Variants in SMYD3 observed in about 807,000 individuals in gnomAD.
SMYD3 encodes the protein SET and MYND domain containing 3.
A neutral mutation model predicts 57.7 loss-of-function variants in SMYD3; 36 were observed. The ratio of observed to expected loss-of-function variants is 0.62; its 90% CI spans 0.48 to 0.82. The LOEUF (loss-of-function observed/expected upper bound fraction) is 0.82, where lower values mean the gene tolerates loss of function less well. Among genes scored for constraint, SMYD3 ranks in the 40% least tolerant of loss-of-function variants. SMYD3 has a pLI of 0.00. For missense variants in SMYD3, 515 were observed against 538.8 expected, an observed-to-expected ratio of 0.96 and a Z score of 0.44; for synonymous variants, 211 against 195.0, an observed-to-expected ratio of 1.08 and a Z score of -0.68.
At position 246,488,842 on chromosome 1, in the gene SMYD3, C is replaced by G. The variant is rs375705894; in HGVS notation, c.164+18212G>C. On this transcript the variant is annotated intron_variant, in intron 1 of 11. Transcript: ENST00000490107. ...CAGAAGACAGATTGCAAAAGGAATG[C>G]GTCTCCATCCTGTAGGTAAACAGGT... 2.6e-5 allele frequency among the ~76,000 whole-genome samples: 4 copies of G among 152,296 alleles called. No individual in the cohort carries two copies. The East Asian group carries it at 7.7e-4, about 29-fold the overall frequency.
At chr1:246,077,145 G>C (rs2060563160) in intron 5 of SMYD3, among the ~76,000 whole-genome samples, 1 of 152,186 alleles carries the variant, frequency 6.6e-6, no homozygotes, top group Admixed American at 6.5e-5. Context: ...GAAGCTGTGA[G>C]AGAAAACATG....
At chr1:246,214,748 C>T (rs2063138835) in intron 5 of SMYD3, among the ~76,000 whole-genome samples, 1 of 151,976 alleles carries the variant, frequency 6.6e-6, no homozygotes, top group Admixed American at 6.5e-5. Flanking sequence ...TATTTAGGAA[C>T]AGTCCTAAAA....
At chr1:245,838,944 T>C (rs902346462) in intron 10 of SMYD3, among the ~76,000 whole-genome samples, 1 of 152,198 alleles carries the variant, frequency 6.6e-6, no homozygotes, top group Non-Finnish European at 1.5e-5. Flanking sequence ...CAGAATGTCC[T>C]CTGAATCCTG....
At chr1:246,470,607 C>T (rs1479798511) in intron 1 of SMYD3, among the ~76,000 whole-genome samples, 4 of 149,422 alleles carry the variant, frequency 2.7e-5, no homozygotes, top group Non-Finnish European at 5.9e-5. Context: ...TGTATATATA[C>T]ACACACTATA....
intron 10 of SMYD3, among the ~76,000 whole-genome samples, chr1:245,834,617 T>C (rs6689627): frequency 0.87 from 132,436 of 152,182 alleles, 58,380 homozygotes; most frequent in Non-Finnish European, 0.95. Flanking sequence ...AAGCAAATTA[T>C]AATAGACATC....
At chr1:246,390,879 T>TA (rs1406178784) in intron 1 of SMYD3, among the ~76,000 whole-genome samples, 5 of 152,082 alleles carry the variant, frequency 3.3e-5, no homozygotes, top group Admixed American at 6.6e-5. Flanking sequence ...AGATGACTTT[T>TA]AAAAAAATCA....
chr1:245,917,730 C>T (rs915601950), intron 7 of SMYD3, among the ~76,000 whole-genome samples: 2 of 152,122 alleles, frequency 1.3e-5, no homozygotes, highest in African/African-American at 4.8e-5. Context: ...TCAGCTTGTA[C>T]CAGACTGTAG....
At chr1:246,090,189 AG>A (rs1176790370) in intron 5 of SMYD3, among the ~76,000 whole-genome samples, 1 of 152,224 alleles carries the variant, frequency 6.6e-6, no homozygotes, top group East Asian at 1.9e-4. Context: ...ACAAAAGAAA[AG>A]ATACAGAAAA....
At chr1:246,315,572 A>C (rs774691318) in intron 5 of SMYD3, among the ~76,000 whole-genome samples, 2 of 152,262 alleles carry the variant, frequency 1.3e-5, no homozygotes, top group African/African-American at 2.4e-5. Flanking sequence ...ATCCTCAGTG[A>C]AACTCTTCCA....
intron 5 of SMYD3, among the ~76,000 whole-genome samples, chr1:246,044,510 GAACT>G (rs549556813): frequency 1.3e-5 from 2 of 152,120 alleles, no homozygotes; most frequent in Non-Finnish European, 2.9e-5. Context: ...CGTAAAACCA[GAACT>G]AATTTATAGA....
chr1:246,095,071 C>T lies in SMYD3; in HGVS notation c.532-165134G>A, dbSNP rs143115465. On this transcript the variant is annotated intron_variant, in intron 5 of 11. Coordinates refer to ENST00000490107, the MANE Select transcript of SMYD3 (RefSeq NM_001167740.2). ...TTCTCTGGTCCCCTCAGCTGAACTGCAGGCTCCTCTTCTGGGCTTCCAAAG... is the reference window on the plus strand; with the variant it reads ...TTCTCTGGTCCCCTCAGCTGAACTGTAGGCTCCTCTTCTGGGCTTCCAAAG... 2.5e-4 allele frequency among the ~76,000 whole-genome samples: 38 copies of T among 152,302 alleles called. No homozygotes were observed. The East Asian group carries it at 6.8e-3, about 27-fold the overall frequency.
In SMYD3 at chr1:246,273,161, TG is replaced by T. The variant is rs754308521; in HGVS notation, c.531+54039del. Among the ~76,000 whole-genome samples the T allele has an allele frequency of 9.8e-3, 1,284 of 130,974 alleles. 24 individuals carry two copies. The highest frequency in any genetic ancestry group is 0.034 in the African/African-American group (1,189 of 35,204). 85.9% of individuals were successfully genotyped at this position (130,974 alleles called of 152,430 possible). A position where few individuals can be genotyped will look rare whatever the true frequency, so the allele number is the denominator to read the frequency against. On this transcript the variant is annotated intron_variant, in intron 5 of 11. Transcript: ENST00000490107. Reference sequence around the variant, plus strand: ...TTTTTTTTTTTTTTTTTCTTTTTTTTGGGGGGGGGACAGAGTCTTGCTCTGT... The same window carrying T: ...TTTTTTTTTTTTTTTTTCTTTTTTTTGGGGGGGGACAGAGTCTTGCTCTGT...
At chr1:245,921,570 T>TACACACACAC (rs1553363010) in intron 7 of SMYD3, among the ~76,000 whole-genome samples, 1 of 147,896 alleles carries the variant, frequency 6.8e-6, no homozygotes, top group African/African-American at 2.5e-5. Flanking sequence ...TATATATATA[T>TACACACACAC]ACACATACCA....
intron 5 of SMYD3, among the ~76,000 whole-genome samples, chr1:246,156,602 T>A (rs1206390922): frequency 6.6e-6 from 1 of 152,208 alleles, no homozygotes; most frequent in Non-Finnish European, 1.5e-5. Flanking sequence ...ATTAGGGATA[T>A]AAAACCAAAT....
chr1:246,235,994 A>T (rs1417606847), intron 5 of SMYD3, among the ~76,000 whole-genome samples: 3 of 152,182 alleles, frequency 2.0e-5, no homozygotes, highest in Non-Finnish European at 4.4e-5. Context: ...ACTACTCTAC[A>T]GAGTAAAGAC....
At chr1:245,806,443 T>C (rs911631974) in intron 10 of SMYD3, among the ~76,000 whole-genome samples, 3 of 152,196 alleles carry the variant, frequency 2.0e-5, no homozygotes, top group African/African-American at 7.2e-5. Context: ...GGAAGTTAAA[T>C]TCCATGTCTA....
chr1:246,357,941 T>G (rs1320765538), intron 1 of SMYD3, among the ~76,000 whole-genome samples: 1 of 152,026 alleles, frequency 6.6e-6, no homozygotes, highest in Non-Finnish European at 1.5e-5. Context: ...AACAGCACAA[T>G]GAATGGAATA....
intron 10 of SMYD3, among the ~76,000 whole-genome samples, chr1:245,765,152 G>C (rs1487501297): frequency 6.6e-6 from 1 of 151,044 alleles, no homozygotes; most frequent in African/African-American, 2.4e-5. Flanking sequence ...TTTGGAGGCC[G>C]AGGCAGGCGG....
At chr1:246,187,545 G>A (rs1202000384) in intron 5 of SMYD3, among the ~76,000 whole-genome samples, 1 of 152,134 alleles carries the variant, frequency 6.6e-6, no homozygotes, top group East Asian at 1.9e-4. Context: ...AAAGCAAGCT[G>A]CTGAGGGATT....
Sources: allele counts gnomAD v4.1 joint callset (sites outside exome capture counted in the v4.1 genomes callset), GRCh38; gene constraint gnomAD v4.1.1; transcripts MANE v1.5; gene names NCBI Gene and HGNC (gene_info 2026-07-23, HGNC 2026-07-21).